Variants in SOX30 observed in about 807,000 individuals in gnomAD.
The protein encoded by SOX30 is transcription factor SOX-30.
In SOX30, 17 loss-of-function variants were observed where a neutral mutation model predicts 58.6. The ratio of observed to expected loss-of-function variants is 0.29; its 90% CI spans 0.20 to 0.44. The LOEUF is 0.44. Among genes scored for constraint, SOX30 ranks in the 20% least tolerant of loss-of-function variants. SOX30 has a pLI of 1.00. For synonymous variants in SOX30, 421 were observed against 400.2 expected, an observed-to-expected ratio of 1.05 and a Z score of -0.62; for missense variants, 951 against 965.8, an observed-to-expected ratio of 0.98 and a Z score of 0.20.
At chr5:157,650,553 T>G (rs1007195595) in intron 1 of SOX30, among the ~76,000 whole-genome samples, 19 of 152,356 alleles carry the variant, frequency 1.2e-4, no homozygotes, top group African/African-American at 4.6e-4. Flanking sequence ...TCTACTGTAT[T>G]CTTTTCAATA....
In SOX30 at chr5:157,645,756, C is replaced by T. The variant is rs144207580; in HGVS notation, c.1387+881G>A. On this transcript the variant is annotated intron_variant, in intron 3 of 4. Transcript: ENST00000265007. ...GTTCTGGGGGCCAGGCGTGGTGGCT[C>T]ACACCTGTAATCCCAGCAGTTTGGG... Among the ~76,000 whole-genome samples the T allele has an allele frequency of 8.0e-3, 1,209 of 151,992 alleles. 12 individuals carry two copies. Among genetic ancestry groups the T allele is most frequent in the Non-Finnish European group, 8.7e-3 (591 of 67,970 alleles).
rs1311354088 is a variant in SOX30, at chr5:157,651,780, A to C, written c.299T>G (p.Leu100Arg). Reference protein sequence around the residue: ...EAAASSAQARLLQFRPDLRLL... With the variant: ...EAAASSAQARRLQFRPDLRLL... ...CCGCAGGTCGGGCCTGAACTGCAAC[A>C]GCCGCGCCTGCGCGGACGAGGCAGC... Residue 100 changes from leucine (L) to arginine (R), a missense_variant, in exon 1 of 5, where the codon CTG becomes CGG. Coordinates refer to ENST00000265007, the MANE Select transcript of SOX30 (RefSeq NM_178424.2). The C allele has an allele frequency of 6.4e-7, 1 of 1,566,706 alleles. No homozygotes were observed. Among genetic ancestry groups the C allele is most frequent in the Non-Finnish European group, 8.6e-7 (1 of 1,159,670 alleles).
intron 3 of SOX30, among the ~76,000 whole-genome samples, chr5:157,645,925 C>T (rs1759179951): frequency 6.6e-6 from 1 of 151,328 alleles, no homozygotes; most frequent in Admixed American, 6.6e-5. Context: ...GAGGCTGAGG[C>T]AGCAGAATTG....
chr5:157,634,741 A>G (rs1371058214), intron 4 of SOX30, among the ~76,000 whole-genome samples: 1 of 151,842 alleles, frequency 6.6e-6, no homozygotes, highest in Non-Finnish European at 1.5e-5. Context: ...TCTGCCTCCC[A>G]AGTTCAAGCG....
Position 157,670,487 on chromosome 5 carries a change from T to C in SOX30, c.-4+843A>G, listed in dbSNP as rs1759758466. 3.3e-5 allele frequency among the ~76,000 whole-genome samples: 5 copies of C among 152,202 alleles called. No individual in the cohort carries two copies. In the South Asian group the frequency reaches 1.0e-3, roughly 32 times the overall value. Reference sequence around the variant, plus strand: ...GAGTAAGCCCTCTAAAAATGATAACTATTTTTCTTGCTTTGGATAGGGAAG... The same window carrying C: ...GAGTAAGCCCTCTAAAAATGATAACCATTTTTCTTGCTTTGGATAGGGAAG... On this transcript the variant is annotated intron_variant, in intron 1 of 5. Transcript: ENST00000519442.
chr5:157,640,759 A>G (rs543379547), intron 3 of SOX30, among the ~76,000 whole-genome samples: 1 of 152,324 alleles, frequency 6.6e-6, no homozygotes, highest in South Asian at 2.1e-4. Context: ...GGATTGAAAT[A>G]CTAAAATCTC....
Position 157,650,046 on chromosome 5 carries a change from T to A in SOX30, c.967+1066A>T, listed in dbSNP as rs370126766. Reference sequence around the variant, plus strand: ...CATCTCTTTTTCATAAAATAAAATTTAAAAAAAGAAAGTCACAGAGCCAGT... The same window carrying A: ...CATCTCTTTTTCATAAAATAAAATTAAAAAAAAGAAAGTCACAGAGCCAGT... On this transcript the variant is annotated intron_variant, in intron 1 of 4. Transcript: ENST00000265007. 2.8e-4 allele frequency among the ~76,000 whole-genome samples: 43 copies of A among 152,172 alleles called. No individual in the cohort carries two copies. The East Asian group carries it at 3.5e-3, about 12-fold the overall frequency.
intron 1 of SOX30, 145 bp from the exon 2 acceptor site, chr5:157,649,041 A>G: frequency 3.0e-6 from 3 of 1,015,174 alleles, no homozygotes; most frequent in Non-Finnish European, 4.1e-6. Flanking sequence ...AAAACCTGCC[A>G]GTATTCCACA....
At position 157,627,791 on chromosome 5, in the gene SOX30, G is replaced by A. The variant is rs191239446; in HGVS notation, c.1881-1070C>T. Among the ~76,000 whole-genome samples the A allele has an allele frequency of 3.9e-3, 595 of 152,144 alleles. 4 individuals are homozygous for A. Among genetic ancestry groups the A allele is most frequent in the African/African-American group, 0.013 (557 of 41,516 alleles). On this transcript the variant is annotated intron_variant, in intron 4 of 4. Transcript: ENST00000265007. ...GGGCGGATCACAAGGTCAGGAGATCGAGACCATCCTGGCTAACACGGTGAA... is the reference window on the plus strand; with the variant it reads ...GGGCGGATCACAAGGTCAGGAGATCAAGACCATCCTGGCTAACACGGTGAA...
chr5:157,655,934 C>T (rs533810502), upstream of SOX30, among the ~76,000 whole-genome samples: 1 of 152,282 alleles, frequency 6.6e-6, no homozygotes, highest in East Asian at 1.9e-4. Flanking sequence ...CTTAGGACAC[C>T]TATAAGCCTG....
chr5:157,646,903 A>G, intron 2 of SOX30, 87 bp from the exon 3 acceptor site: 2 of 990,320 alleles, frequency 2.0e-6, no homozygotes, highest in East Asian at 2.4e-5. Context: ...AGCACTTTAA[A>G]GTGTTTTAAA....
intron 3 of SOX30, 109 bp from the exon 4 acceptor site, chr5:157,638,831 C>T (rs1581393470): frequency 3.0e-6 from 3 of 1,016,196 alleles, no homozygotes; most frequent in Non-Finnish European, 4.3e-6. Context: ...CATCAATCAC[C>T]TTACCTAACT....
chr5:157,671,295 C>G (rs1759780630), intron 1 of SOX30: 8 of 355,252 alleles, frequency 2.3e-5, no homozygotes, highest in Non-Finnish European at 2.0e-5. Flanking sequence ...CACTGCAGTC[C>G]CCACGTCGAA....
intron 4 of SOX30, among the ~76,000 whole-genome samples, chr5:157,636,786 C>T (rs1758937690): frequency 6.6e-6 from 1 of 152,014 alleles, no homozygotes; most frequent in Non-Finnish European, 1.5e-5. Context: ...TTTAATACTC[C>T]CGTCTCAACA....
chr5:157,638,951 C>CT (rs1758996835), intron 3 of SOX30, among the ~76,000 whole-genome samples: 1 of 152,306 alleles, frequency 6.6e-6, no homozygotes, highest in East Asian at 1.9e-4. Context: ...CAACTAGACT[C>CT]TAAGTGCCAT....
intron 1 of SOX30, among the ~76,000 whole-genome samples, chr5:157,650,201 G>A (rs1394643285): frequency 2.6e-5 from 4 of 151,858 alleles, no homozygotes; most frequent in Non-Finnish European, 5.9e-5. Context: ...AAACACTAAA[G>A]ATGAAATAAG....
intron 4 of SOX30, among the ~76,000 whole-genome samples, chr5:157,635,465 A>G (rs1292270849): frequency 6.6e-6 from 1 of 152,134 alleles, no homozygotes; most frequent in Non-Finnish European, 1.5e-5. Context: ...CTCTACTAAA[A>G]ATACAAAAAT....
Position 157,665,601 on chromosome 5 carries a change from A to T in SOX30, c.52+2197T>A, listed in dbSNP as rs570725690. ...TACCCTAAAACTTAAAGTATAATAA[A>T]AAATAAAATAAAATAAAATAAATAT... is the stretch of plus-strand genomic sequence containing the variant. On this transcript the variant is annotated intron_variant, in intron 2 of 5. Coordinates refer to the SOX30 transcript ENST00000519442. Among the ~76,000 whole-genome samples, 3 of 121,866 alleles carry T rather than the reference A, an allele frequency of 2.5e-5. No individual in the cohort carries two copies. The South Asian group carries it at 7.0e-4, about 28-fold the overall frequency. 79.9% of individuals were successfully genotyped at this position (121,866 alleles called of 152,430 possible).
intron 4 of SOX30, among the ~76,000 whole-genome samples, chr5:157,630,867 A>G (rs1249773356): frequency 1.4e-5 from 2 of 138,544 alleles, no homozygotes; most frequent in Non-Finnish European, 3.1e-5. Context: ...ATATTTTTAT[A>G]TATATATATA....
Sources: allele counts gnomAD v4.1 joint callset (sites outside exome capture counted in the v4.1 genomes callset), GRCh38; gene constraint gnomAD v4.1.1; transcripts MANE v1.5; gene names NCBI Gene and HGNC (gene_info 2026-07-23, HGNC 2026-07-21).